Variants in XPNPEP1 observed in about 807,000 individuals in gnomAD.
The protein encoded by XPNPEP1 is xaa-Pro aminopeptidase 1.
Under a neutral mutation model 92.4 loss-of-function variants are expected in XPNPEP1, and 39 were observed. That is an observed-to-expected ratio of 0.42 (90% CI 0.33 to 0.55). The LOEUF is 0.55. Among genes scored for constraint, XPNPEP1 ranks in the 20% least tolerant of loss-of-function variants. The probability of loss-of-function intolerance (pLI) is 0.08; values close to 1 mark genes in which losing one functional copy is unlikely to be tolerated. For synonymous variants in XPNPEP1, 307 were observed against 299.4 expected (o/e 1.03, Z -0.26); for missense variants, 654 against 856.1 (o/e 0.76, Z 2.95).
rs75721377 is a variant in XPNPEP1 at position 109,904,613 on chromosome 10, G to A, written c.246+3078C>T. Among the ~76,000 whole-genome samples, 370 of 152,144 alleles carry A rather than the reference G, an allele frequency of 2.4e-3. 2 individuals are homozygous for A. Among genetic ancestry groups the A allele is most frequent in the African/African-American group, 8.4e-3 (347 of 41,484 alleles). ...GTCCTGCAGCTATGAAACTCATTGG[G>A]GCAAAGGACTTGAATAGACATTTTC... On this transcript the variant is annotated intron_variant, in intron 3 of 20. Transcript: ENST00000502935.
chr10:109,915,404 T>C (rs1850129941), intron 1 of XPNPEP1, among the ~76,000 whole-genome samples: 1 of 152,182 alleles, frequency 6.6e-6, no homozygotes, highest in Admixed American at 6.5e-5. Context: ...ATTTGGTTCT[T>C]TTTCACATCT....
rs778774875 is a variant in XPNPEP1 at position 109,888,543 on chromosome 10, T to C, written c.468A>G (p.Glu156=). Residue 156 remains glutamate, a synonymous_variant, in exon 6 of 21, where the codon GAA becomes GAG. Coordinates refer to ENST00000502935, the MANE Select transcript of XPNPEP1 (RefSeq NM_020383.4). ...QEDWLVSVLP[E]GSRVGVDPLI... ...AGGGGTCCACACCAACCCTGGATCC[T>C]TCAGGAAGCACACTCACCAGCCAGT... 42 of 1,612,000 alleles carry C rather than the reference T, an allele frequency of 2.6e-5. 1 individual carries two copies. In the Middle Eastern group the frequency reaches 1.2e-3, roughly 44 times the overall value.
intron 8 of XPNPEP1, 141 bp downstream of exon 8, chr10:109,886,104 AT>A (rs1848372138): frequency 1.3e-6 from 1 of 763,986 alleles, no homozygotes; most frequent in African/African-American, 1.7e-5. Context: ...CCTAGTTGGC[AT>A]CTCCTATACC....
At chr10:109,905,402 GT>G (rs1363951836) in intron 3 of XPNPEP1, among the ~76,000 whole-genome samples, 3 of 152,094 alleles carry the variant, frequency 2.0e-5, no homozygotes, top group African/African-American at 7.2e-5. Context: ...TAGAGATGGG[GT>G]TTCACCATGT....
At position 109,890,550 on chromosome 10, in the gene XPNPEP1, TTG is replaced by T. The variant is rs768880431; in HGVS notation, c.415+1170_415+1171del. On this transcript the variant is annotated intron_variant, in intron 5 of 20. Coordinates refer to ENST00000502935, the MANE Select transcript of XPNPEP1 (RefSeq NM_020383.4). The stretch of plus-strand genomic sequence containing the variant: ...AACAGCCAGCTTCAAATGCCTGCCT[TTG>T]TGTGTGTGTGTGTGTGTGTGTGTGT... 3.1e-3 allele frequency among the ~76,000 whole-genome samples: 322 copies of T among 103,176 alleles called. 3 individuals carry two copies. Among genetic ancestry groups the T allele is most frequent in the African/African-American group, 0.011 (265 of 23,642 alleles). The allele number at this position is 103,176 out of a possible 152,430, so 67.7% of individuals were successfully genotyped here.
In XPNPEP1 at chr10:109,886,251, A is replaced by G; in HGVS notation, c.743T>C (p.Ile248Thr). 3.7e-6 allele frequency: 6 copies of G among 1,614,162 alleles called. No homozygotes were observed. Among genetic ancestry groups the G allele is most frequent in the Non-Finnish European group, 5.1e-6 (6 of 1,180,012 alleles). The change falls in exon 8 of 21, where the codon ATT (isoleucine) becomes ACT (threonine). Residue 248 changes from isoleucine (I) to threonine (T), a missense_variant. By Grantham distance (89) the Ile-to-Thr change is moderately conservative. Coordinates refer to ENST00000502935, the MANE Select transcript of XPNPEP1 (RefSeq NM_020383.4). ...MWFVVTALDE[I>T]AWLFNLRGSD... ...AGCGAAACCAGAGCACTCACACGCA[A>G]TCTCATCCAAGGCAGTGACCACAAA...
intron 20 of XPNPEP1, among the ~76,000 whole-genome samples, chr10:109,868,220 T>A (rs1847245635): frequency 6.6e-6 from 1 of 152,192 alleles, no homozygotes; most frequent in African/African-American, 2.4e-5. Context: ...GAAAACAATC[T>A]GGTATGTACA....
intron 3 of XPNPEP1, among the ~76,000 whole-genome samples, chr10:109,903,380 C>A (rs992226110): frequency 6.6e-5 from 10 of 152,138 alleles, no homozygotes; most frequent in African/African-American, 2.4e-4. Flanking sequence ...GAGGAGGGCC[C>A]CAATTTCAGA....
chr10:109,878,201 G>A lies in XPNPEP1; in HGVS notation c.1183-143C>T, dbSNP rs983031150. The A allele has an allele frequency of 6.1e-6, 5 of 817,168 alleles. No homozygotes were observed. In the African/African-American group the frequency reaches 6.8e-5, roughly 11 times the overall value. 50.6% of individuals were successfully genotyped at this position (817,168 alleles called of 1,614,324 possible). A position where few individuals can be genotyped will look rare whatever the true frequency, so the allele number is the denominator to read the frequency against. On this transcript the variant is annotated intron_variant, in intron 12 of 20. Coordinates refer to ENST00000502935, the MANE Select transcript of XPNPEP1 (RefSeq NM_020383.4). ...AATCTACAGGACACATCTTTAGCAA[G>A]GGAGAACTCCCAAAGGCTCTCACCA...
rs1290716905 is a variant in XPNPEP1, at chr10:109,883,574, C to T, written c.830+493G>A. On this transcript the variant is annotated intron_variant, in intron 9 of 20. Transcript: ENST00000502935. ...TAGCACCTAACAGAGACCCTTAGCACATCACCAGCACTTAATAAATGTGTT... is the reference window on the plus strand; with the variant it reads ...TAGCACCTAACAGAGACCCTTAGCATATCACCAGCACTTAATAAATGTGTT... Among the ~76,000 whole-genome samples, 3 of 152,164 alleles carry T rather than the reference C, an allele frequency of 2.0e-5. No individual in the cohort carries two copies. In the East Asian group the frequency reaches 5.8e-4, roughly 29 times the overall value.
chr10:109,870,999 T>G, intron 17 of XPNPEP1, 95 bp from the exon 18 acceptor site: 1 of 1,403,648 alleles, frequency 7.1e-7, no homozygotes, highest in Non-Finnish European at 9.6e-7. Context: ...CAGAAACCAA[T>G]AGGTAAGTTA....
At chr10:109,875,469 C>T in intron 15 of XPNPEP1, 59 bp downstream of exon 15, 1 of 1,534,448 alleles carries the variant, frequency 6.5e-7, no homozygotes, top group South Asian at 1.1e-5. Flanking sequence ...CTCAGCTGTC[C>T]ACCTTCTCCA....
At chr10:109,912,489 G>T (rs1321393172) in intron 2 of XPNPEP1, among the ~76,000 whole-genome samples, 1 of 152,220 alleles carries the variant, frequency 6.6e-6, no homozygotes, top group African/African-American at 2.4e-5. Context: ...ACAGGTGATG[G>T]AAAGTGATTG....
intron 16 of XPNPEP1, among the ~76,000 whole-genome samples, chr10:109,872,977 G>A (rs1847571173): frequency 6.6e-6 from 1 of 152,122 alleles, no homozygotes; most frequent in Non-Finnish European, 1.5e-5. Context: ...AGTTTCCAGA[G>A]AGTTAAGCCT....
intron 1 of XPNPEP1, among the ~76,000 whole-genome samples, chr10:109,915,803 A>G (rs750604415): frequency 2.6e-5 from 4 of 152,330 alleles, no homozygotes; most frequent in Admixed American, 6.5e-5. Context: ...ATGAAGGTCT[A>G]TATCTGCATC....
chr10:109,866,599 C>T (rs540301208), intron 20 of XPNPEP1, among the ~76,000 whole-genome samples: 1 of 152,184 alleles, frequency 6.6e-6, no homozygotes, highest in South Asian at 2.1e-4. Flanking sequence ...TGGACAGCCT[C>T]GGTGGAGCCT....
At position 109,869,994 on chromosome 10, in the gene XPNPEP1, G is replaced by A. The variant is rs1373400948; in HGVS notation, c.1732C>T (p.Arg578Cys). Residue 578 changes from arginine to cysteine, a missense_variant, in exon 19 of 21, where the codon CGC becomes TGC. Physicochemically the swap from Arg to Cys is radical, Grantham distance 180. Coordinates refer to ENST00000502935, the MANE Select transcript of XPNPEP1 (RefSeq NM_020383.4). ...GYYEDGAFGI[R>C]IENVVLVVPV... ...ACCACAAGGACAACATTCTCAATGC[G>A]AATTCCAAAAGCCCCATCTTCATAG... 3.7e-6 allele frequency: 6 copies of A among 1,613,978 alleles called. No homozygotes were observed. Among genetic ancestry groups the A allele is most frequent in the African/African-American group, 1.3e-5 (1 of 74,896 alleles).
At chr10:109,879,738 A>C (rs1847987066) in intron 12 of XPNPEP1, among the ~76,000 whole-genome samples, 1 of 152,200 alleles carries the variant, frequency 6.6e-6, no homozygotes, top group Non-Finnish European at 1.5e-5. Context: ...TTGTTTAATA[A>C]CACCACAGAG....
At chr10:109,877,497 A>G in intron 14 of XPNPEP1, 1 of 343,632 alleles carries the variant, frequency 2.9e-6, no homozygotes, top group Non-Finnish European at 5.3e-6. Context: ...ATCAAGATGC[A>G]AGGGCTATGC....
Sources: allele counts gnomAD v4.1 joint callset (sites outside exome capture counted in the v4.1 genomes callset), GRCh38; gene constraint gnomAD v4.1.1; transcripts MANE v1.5; gene names NCBI Gene and HGNC (gene_info 2026-07-23, HGNC 2026-07-21).